The following UBE2E1 variants were observed in gnomAD, a reference collection of about 807,000 sequenced individuals.
UBE2E1 encodes ubiquitin conjugating enzyme E2 E1, also known as ubiquitin-conjugating enzyme E2 E1.
In UBE2E1, 6 loss-of-function variants were observed where a neutral mutation model predicts 21.4. The observed-to-expected ratio is 0.28, with a 90% confidence interval of 0.15 to 0.55. The LOEUF (loss-of-function observed/expected upper bound fraction) is 0.55, where lower values mean the gene tolerates loss of function less well. UBE2E1 is among the 20% of genes least tolerant of loss of function. The pLI, the probability that UBE2E1 is intolerant of heterozygous loss-of-function variation, is 0.93. For synonymous variants in UBE2E1, 87 were observed against 82.7 expected (o/e 1.05, Z -0.28); for missense variants, 142 against 236.5 (o/e 0.60, Z 2.62).
rs1701380646 is a variant in UBE2E1, at chr3:23,890,520, G to A, written c.496G>A (p.Val166Met). ...LTDCNPADPL[V>M]GSIATQYMTN... ...TTCTTTTCTTCCAGCCGACCCCTTG[G>A]TGGGAAGTATTGCCACTCAGTATAT... Residue 166 changes from valine (V) to methionine (M), a missense_variant, in exon 6 of 6, where the codon GTG becomes ATG. Val to Met is a conservative substitution (Grantham distance 21). This residue lies in a region of UBE2E1 where 87 missense variants were observed against 184.9 expected (regional missense o/e 0.47). Transcript: ENST00000306627. The A allele has an allele frequency of 6.2e-7, 1 of 1,611,648 alleles. No individual in the cohort carries two copies. Among genetic ancestry groups the A allele is most frequent in the Non-Finnish European group, 8.5e-7 (1 of 1,179,014 alleles).
At chr3:23,873,476 G>A (rs552317867) in intron 3 of UBE2E1, among the ~76,000 whole-genome samples, 1 of 152,302 alleles carries the variant, frequency 6.6e-6, no homozygotes, top group East Asian at 1.9e-4. Flanking sequence ...GTCGGGCGCG[G>A]TGGCTCACGC....
At chr3:23,890,472 T>G (rs752251107) in intron 5 of UBE2E1, 37 bp from the exon 6 acceptor site, 2 of 1,593,290 alleles carry the variant, frequency 1.3e-6, no homozygotes, top group South Asian at 1.1e-5. Context: ...AATGTTCTTT[T>G]CCTTTCTCCA....
At chr3:23,835,177 A>T (rs1311869460) in intron 3 of UBE2E1, among the ~76,000 whole-genome samples, 1 of 152,160 alleles carries the variant, frequency 6.6e-6, no homozygotes, top group Non-Finnish European at 1.5e-5. Context: ...GTAATGTTTT[A>T]AAAAAATGCA....
chr3:23,843,380 A>T lies in UBE2E1; in HGVS notation c.203+31870A>T, dbSNP rs1700134110. ...TTATGAGTCAGGACCATTGAGTTGC[A>T]CAACTGTGGCACACCATTCACATAA... On this transcript the variant is annotated intron_variant, in intron 3 of 5. Transcript: ENST00000306627. 2.0e-5 allele frequency among the ~76,000 whole-genome samples: 3 copies of T among 152,230 alleles called. No homozygotes were observed. The South Asian group carries it at 6.2e-4, about 32-fold the overall frequency.
chr3:23,863,147 GT>G lies in UBE2E1; in HGVS notation c.204-24415del, dbSNP rs1230295111. 3.3e-5 allele frequency among the ~76,000 whole-genome samples: 5 copies of G among 149,652 alleles called. No individual in the cohort carries two copies. Among genetic ancestry groups the G allele is most frequent in the Admixed American group, 6.7e-5 (1 of 14,984 alleles). On this transcript the variant is annotated intron_variant, in intron 3 of 5. Transcript: ENST00000306627. The surrounding 1 kb of genome is among the most constrained non-coding windows in gnomAD (Gnocchi z 4.3). ...CCGAGTACTTTGTTGTTTATATCCT[GT>G]TTTTAGGTATATACTCATATTACTT... is the stretch of plus-strand genomic sequence containing the variant.
At chr3:23,879,853 C>G (rs1227132069) in intron 3 of UBE2E1, among the ~76,000 whole-genome samples, 1 of 152,198 alleles carries the variant, frequency 6.6e-6, no homozygotes, top group East Asian at 1.9e-4. Context: ...AAAATTATGC[C>G]TAGAATAATA....
Position 23,851,029 on chromosome 3 carries a change from C to T in UBE2E1, c.204-36538C>T, listed in dbSNP as rs186116503. On this transcript the variant is annotated intron_variant, in intron 3 of 5. Coordinates refer to ENST00000306627, the MANE Select transcript of UBE2E1 (RefSeq NM_003341.5). Reference sequence around the variant, plus strand: ...TAAGAGTTTCATACTTTTAGTTTTTCGATTTGGATCAGTAATCCATTTTGA... The same window carrying T: ...TAAGAGTTTCATACTTTTAGTTTTTTGATTTGGATCAGTAATCCATTTTGA... 1.6e-3 allele frequency among the ~76,000 whole-genome samples: 247 copies of T among 152,020 alleles called. 1 individual carries two copies. Among genetic ancestry groups the T allele is most frequent in the African/African-American group, 5.9e-3 (244 of 41,448 alleles).
intron 3 of UBE2E1, among the ~76,000 whole-genome samples, chr3:23,828,337 G>A (rs1699797891): frequency 6.6e-6 from 1 of 152,120 alleles, no homozygotes; most frequent in African/African-American, 2.4e-5. Context: ...CTTCCATTGT[G>A]TAAAAAGATC....
chr3:23,863,106 C>T lies in UBE2E1; in HGVS notation c.204-24461C>T, dbSNP rs1404904233. 5.3e-5 allele frequency among the ~76,000 whole-genome samples: 8 copies of T among 149,764 alleles called. No individual in the cohort carries two copies. Among genetic ancestry groups the T allele is most frequent in the Non-Finnish European group, 8.9e-5 (6 of 67,682 alleles). ...GCATTTTGCTCTCTAGTGGCAACTA[C>T]TTGTACCTCCTTGAGCCGAGTACTT... On this transcript the variant is annotated intron_variant, in intron 3 of 5. Transcript: ENST00000306627. This position sits in a 1 kb window ranked among gnomAD's most constrained non-coding sequence, Gnocchi z 4.3.
chr3:23,864,976 C>G lies in UBE2E1; in HGVS notation c.204-22591C>G, dbSNP rs1419124546. Among the ~76,000 whole-genome samples, 5 of 152,276 alleles carry G rather than the reference C, an allele frequency of 3.3e-5. No homozygotes were observed. The East Asian group carries it at 9.6e-4, about 29-fold the overall frequency. ...GTGCAGAGACCCTCTGTTTCAACTTCTTCTGAAAATAAATTTCAGACTGTC... is the reference window on the plus strand; with the variant it reads ...GTGCAGAGACCCTCTGTTTCAACTTGTTCTGAAAATAAATTTCAGACTGTC... On this transcript the variant is annotated intron_variant, in intron 3 of 5. Transcript: ENST00000306627.
chr3:23,855,013 T>G (rs1700405161), intron 3 of UBE2E1, among the ~76,000 whole-genome samples: 1 of 152,248 alleles, frequency 6.6e-6, no homozygotes, highest in East Asian at 1.9e-4. Context: ...CCGTAATTAT[T>G]TTGTGAGAGA....
chr3:23,831,518 C>CT (rs11430039), intron 3 of UBE2E1, among the ~76,000 whole-genome samples: 35,479 of 137,034 alleles, frequency 0.26, 4,956 homozygotes, highest in South Asian at 0.31. Flanking sequence ...AAAATGAATA[C>CT]TTTTTTTTTT....
chr3:23,874,939 G>T (rs1213302929), intron 3 of UBE2E1, among the ~76,000 whole-genome samples: 1 of 152,162 alleles, frequency 6.6e-6, no homozygotes, highest in Non-Finnish European at 1.5e-5. Flanking sequence ...AGAAGGGAAA[G>T]TGCGGTTCCT....
rs1553637746 is a variant in UBE2E1, at chr3:23,842,250, G to GTGTGTGTGTGTGGTGT, written c.203+30743_203+30744insGTGTGTGTGGTGTTGT. 0.011 allele frequency among the ~76,000 whole-genome samples: 982 copies of GTGTGTGTGTGTGGTGT among 86,098 alleles called. 19 individuals carry two copies. The highest frequency in any genetic ancestry group is 0.021 in the Middle Eastern group (3 of 142). The allele number at this position is 86,098 out of a possible 152,430, so 56.5% of individuals were successfully genotyped here. A position where few individuals can be genotyped will look rare whatever the true frequency, so the allele number is the denominator to read the frequency against. ...GTGTGTGTGTGTGTGTGTGTGTGTGGTGTTGTTGTTGTTGGCGACAGGGTC... is the reference window on the plus strand; with the variant it reads ...GTGTGTGTGTGTGTGTGTGTGTGTGGTGTGTGTGTGTGGTGTTGTTGTTGTTGTTGGCGACAGGGTC... On this transcript the variant is annotated intron_variant, in intron 3 of 5. Transcript: ENST00000306627. This position sits in a 1 kb window ranked among gnomAD's most constrained non-coding sequence, Gnocchi z 4.6.
chr3:23,877,693 T>C (rs937634786), intron 3 of UBE2E1, among the ~76,000 whole-genome samples: 1 of 152,148 alleles, frequency 6.6e-6, no homozygotes, highest in African/African-American at 2.4e-5. Flanking sequence ...TGATGTACTT[T>C]ATGTAAGTGA....
chr3:23,873,203 A>T (rs1700840456), intron 3 of UBE2E1, among the ~76,000 whole-genome samples: 2 of 152,138 alleles, frequency 1.3e-5, no homozygotes, highest in Non-Finnish European at 2.9e-5. Flanking sequence ...GGGAGTAAAA[A>T]TGGTAAGTCA....
chr3:23,852,535 A>G (rs1027959338), intron 3 of UBE2E1, among the ~76,000 whole-genome samples: 2 of 152,176 alleles, frequency 1.3e-5, no homozygotes, highest in African/African-American at 4.8e-5. Context: ...TCTCTACAAG[A>G]TCATGTCATC....
Position 23,842,657 on chromosome 3 carries a change from T to C in UBE2E1, c.203+31147T>C, listed in dbSNP as rs1275393190. Among the ~76,000 whole-genome samples the C allele has an allele frequency of 2.6e-5, 4 of 152,200 alleles. No individual in the cohort carries two copies. The East Asian group carries it at 5.8e-4, about 22-fold the overall frequency. ...CTGTGTCAACACTGAACAGCATTTT[T>C]TGTGACGTAAAATCTCATTATCACA... On this transcript the variant is annotated intron_variant, in intron 3 of 5. Transcript: ENST00000306627. The surrounding 1 kb of genome is among the most constrained non-coding windows in gnomAD (Gnocchi z 4.6).
intron 3 of UBE2E1, among the ~76,000 whole-genome samples, chr3:23,850,740 G>A (rs1378181298): frequency 1.4e-5 from 2 of 143,976 alleles, no homozygotes; most frequent in Non-Finnish European, 3.0e-5. Flanking sequence ...CCAGAGCTGT[G>A]GCATGATCAT....
Sources: gnomAD v4.1 joint callset for allele counts (sites outside exome capture counted in the v4.1 genomes callset) on GRCh38, gnomAD v4.1.1 for gene constraint, gnomAD v4.1.1 regional missense constraint, Gnocchi (gnomAD v3.1) non-coding constraint, MANE v1.5 for transcripts, NCBI Gene and HGNC (gene_info 2026-07-23, HGNC 2026-07-21) for gene names.